The following MYBPC1 variants were observed in gnomAD, a reference collection of about 807,000 sequenced individuals.
MYBPC1 encodes the protein myosin-binding protein C, slow-type.
A neutral mutation model predicts 147.1 loss-of-function variants in MYBPC1; 52 were observed. The ratio of observed to expected loss-of-function variants is 0.35; its 90% CI spans 0.28 to 0.45. The LOEUF (loss-of-function observed/expected upper bound fraction) is 0.45. MYBPC1 is among the 20% of genes least tolerant of loss of function. MYBPC1 has a pLI of 1.00. For synonymous variants in MYBPC1, 477 were observed against 475.9 expected, an observed-to-expected ratio of 1.00 and a Z score of -0.03; for missense variants, 1,228 against 1,440.3, an observed-to-expected ratio of 0.85 and a Z score of 2.39.
chr12:101,602,945 G>A (rs183198483), intron 1 of MYBPC1, among the ~76,000 whole-genome samples: 136 of 152,250 alleles, frequency 8.9e-4, no homozygotes, highest in African/African-American at 3.2e-3. Context: ...CTGTTCTTGT[G>A]GGGACATGGC....
chr12:101,694,497 G>T, the MYBPC1 span, among the ~76,000 whole-genome samples: 1 of 152,154 alleles, frequency 6.6e-6, no homozygotes, highest in East Asian at 1.9e-4. Context: ...TATCATGAGG[G>T]TGGGGCCTTC....
At chr12:101,611,871 G>A (rs1287159183) in intron 1 of MYBPC1, among the ~76,000 whole-genome samples, 2 of 152,138 alleles carry the variant, frequency 1.3e-5, no homozygotes, top group Non-Finnish European at 2.9e-5. Context: ...AAGGTCAAGA[G>A]ATCGAGACCA....
At chr12:101,627,249 CT>C (rs1888811089) in intron 4 of MYBPC1, among the ~76,000 whole-genome samples, 1 of 151,868 alleles carries the variant, frequency 6.6e-6, no homozygotes, top group Admixed American at 6.6e-5. Context: ...TAAAATTTTT[CT>C]TTTCTTTTTT....
chr12:101,648,044 G>C lies in MYBPC1; in HGVS notation c.1091-1G>C. The C allele has an allele frequency of 6.2e-7, 1 of 1,604,188 alleles. No homozygotes were observed. Among genetic ancestry groups the C allele is most frequent in the Non-Finnish European group, 8.5e-7 (1 of 1,171,246 alleles). On this transcript the variant is annotated splice_acceptor_variant, in intron 13 of 31. Coordinates refer to ENST00000361466, the MANE Select transcript of MYBPC1 (RefSeq NM_002465.4). LOFTEE classifies it high-confidence loss of function. ...TCTGATTTCCCCTTTTTGTATACTA[G>C]AGCCTCCAATTATGGTGACCAAACA...
At chr12:101,608,758 T>C (rs1883209991) in intron 1 of MYBPC1, among the ~76,000 whole-genome samples, 2 of 152,204 alleles carry the variant, frequency 1.3e-5, no homozygotes, top group African/African-American at 4.8e-5. Flanking sequence ...GTAATATTCC[T>C]GAGAGTCAAA....
downstream of MYBPC1, among the ~76,000 whole-genome samples, chr12:101,686,564 C>T (rs1240079356): frequency 6.6e-6 from 1 of 152,212 alleles, no homozygotes. Context: ...CTTTACTCTT[C>T]CTGATATAAA....
intron 23 of MYBPC1, among the ~76,000 whole-genome samples, chr12:101,669,396 A>G (rs11110949): frequency 0.21 from 32,262 of 152,140 alleles, 3,859 homozygotes; most frequent in Middle Eastern, 0.34. Context: ...ATGCTCTAGT[A>G]TCTTCATGAT....
chr12:101,652,881 A>T, intron 17 of MYBPC1, 97 bp downstream of exon 17: 1 of 1,189,938 alleles, frequency 8.4e-7, no homozygotes, highest in Non-Finnish European at 1.2e-6. Flanking sequence ...AGTGACATTT[A>T]AGGAAAAATA....
At chr12:101,634,778 C>T (rs973209030) in intron 9 of MYBPC1, among the ~76,000 whole-genome samples, 173 bp downstream of exon 9, 1 of 152,108 alleles carries the variant, frequency 6.6e-6, no homozygotes, top group Non-Finnish European at 1.5e-5. Context: ...GTTTAAGGCC[C>T]AGTCAAGCAT....
chr12:101,647,701 A>G (rs531518574), intron 13 of MYBPC1, among the ~76,000 whole-genome samples: 2 of 152,326 alleles, frequency 1.3e-5, no homozygotes, highest in East Asian at 3.9e-4. Context: ...AGCCTGGCCA[A>G]TGTGGTAAAA....
chr12:101,647,853 C>T (rs907116717), intron 13 of MYBPC1, among the ~76,000 whole-genome samples, 192 bp from the exon 14 acceptor site: 1 of 152,182 alleles, frequency 6.6e-6, no homozygotes, highest in African/African-American at 2.4e-5. Context: ...CGCCACTACA[C>T]CTCAGCCTGG....
At chr12:101,658,187 A>G (rs1895926261) in intron 18 of MYBPC1, among the ~76,000 whole-genome samples, 1 of 151,946 alleles carries the variant, frequency 6.6e-6, no homozygotes, top group Non-Finnish European at 1.5e-5. Context: ...AAAGAATTAT[A>G]CACCAAGACC....
At chr12:101,596,655 G>A (rs1002233475) in intron 1 of MYBPC1, among the ~76,000 whole-genome samples, 3 of 152,128 alleles carry the variant, frequency 2.0e-5, no homozygotes, top group Admixed American at 1.3e-4. Context: ...TATTCTGATC[G>A]CAAAGGCGAT....
intron 1 of MYBPC1, among the ~76,000 whole-genome samples, chr12:101,597,617 T>C (rs1877864333): frequency 6.6e-6 from 1 of 152,222 alleles, no homozygotes; most frequent in African/African-American, 2.4e-5. Flanking sequence ...AAGTAATTAG[T>C]CAACGGTCCT....
At chr12:101,610,461 A>G (rs1001454969) in intron 1 of MYBPC1, among the ~76,000 whole-genome samples, 4 of 152,160 alleles carry the variant, frequency 2.6e-5, no homozygotes, top group Non-Finnish European at 5.9e-5. Flanking sequence ...TCACAGACCT[A>G]GAAATAAGGC....
chr12:101,685,811 GA>G lies in MYBPC1; in HGVS notation c.*265del, dbSNP rs11417395. The G allele has an allele frequency of 0.089, 31,619 of 355,586 alleles. No individual in the cohort carries two copies. The highest frequency in any genetic ancestry group is 0.1 in the Middle Eastern group (125 of 1,224). 22.0% of individuals were successfully genotyped at this position (355,586 alleles called of 1,614,324 possible). On this transcript the variant is annotated 3_prime_UTR_variant, in exon 32 of 32. Transcript: ENST00000361466. ...TTTTCTTTCCTCCTAATGTTGAAGA[GA>G]AAAAAAAAAAAAAAAGTTTGCCCAG...
chr12:101,674,499 C>T (rs978802556), intron 25 of MYBPC1, among the ~76,000 whole-genome samples: 5 of 152,204 alleles, frequency 3.3e-5, no homozygotes, highest in African/African-American at 1.2e-4. Context: ...TGTCCAGAGT[C>T]AGGGGAATAG....
intron 1 of MYBPC1, among the ~76,000 whole-genome samples, chr12:101,614,224 C>T (rs1375322936): frequency 6.6e-6 from 1 of 152,132 alleles, no homozygotes; most frequent in East Asian, 1.9e-4. Flanking sequence ...TTTATCTTTC[C>T]ATCACTACAC....
intron 3 of MYBPC1, among the ~76,000 whole-genome samples, chr12:101,617,815 G>A (rs1003517500): frequency 5.3e-5 from 8 of 152,114 alleles, no homozygotes; most frequent in Non-Finnish European, 1.2e-4. Context: ...TTTATATGGA[G>A]ATAGTCTCAT....
Sources: gnomAD v4.1 joint callset for allele counts (sites outside exome capture counted in the v4.1 genomes callset) on GRCh38, gnomAD v4.1.1 for gene constraint, MANE v1.5 for transcripts, NCBI Gene and HGNC (gene_info 2026-07-23, HGNC 2026-07-21) for gene names.